CREM: variants seen among roughly 807,000 people sequenced by gnomAD.
CREM encodes the protein cAMP responsive element modulator.
Under a neutral mutation model 37.3 loss-of-function variants are expected in CREM, and 13 were observed. The ratio of observed to expected loss-of-function variants is 0.35; its 90% CI spans 0.23 to 0.55. The LOEUF (loss-of-function observed/expected upper bound fraction) is 0.55. CREM is among the 20% of genes least tolerant of loss of function. The pLI, the probability that CREM is intolerant of heterozygous loss-of-function variation, is 0.88. For missense variants in CREM, 296 were observed against 362.3 expected (o/e 0.82, Z 1.49); for synonymous variants, 124 against 120.2 (o/e 1.03, Z -0.21).
intron 6 of CREM, among the ~76,000 whole-genome samples, chr10:35,191,457 A>T (rs1231280817): frequency 1.3e-5 from 2 of 151,610 alleles, no homozygotes; most frequent in African/African-American, 4.8e-5. Flanking sequence ...TCCTTAAATA[A>T]TCATGGCCAG....
At chr10:35,190,188 A>C (rs769659437) in intron 6 of CREM, among the ~76,000 whole-genome samples, 1 of 152,326 alleles carries the variant, frequency 6.6e-6, no homozygotes, top group African/African-American at 2.4e-5. Context: ...TATGCACGTA[A>C]GTTTGTGCCT....
At chr10:35,164,944 C>CGGAGGCTGAGGCA (rs928377109) in intron 3 of CREM, among the ~76,000 whole-genome samples, 1 of 150,324 alleles carries the variant, frequency 6.7e-6, no homozygotes, top group African/African-American at 2.4e-5. Context: ...CCAGCTACGC[C>CGGAGGCTGAGGCA]GGAGGCTGAG....
intron 1 of CREM, among the ~76,000 whole-genome samples, chr10:35,130,779 T>C (rs1410801881): frequency 6.6e-6 from 1 of 152,220 alleles, no homozygotes; most frequent in African/African-American, 2.4e-5. Flanking sequence ...TGTAGTCGGT[T>C]GTGCCATCTA....
At chr10:35,209,174 TG>T in intron 7 of CREM, 1 of 351,940 alleles carries the variant, frequency 2.8e-6, no homozygotes. Flanking sequence ...TTTCACTTCC[TG>T]GGGAAGTGTG....
intron 5 of CREM, among the ~76,000 whole-genome samples, chr10:35,183,810 C>T (rs1412270973): frequency 6.6e-6 from 1 of 152,210 alleles, no homozygotes; most frequent in Non-Finnish European, 1.5e-5. Context: ...CGTGATGGTT[C>T]ACGCCTGTAA....
intron 3 of CREM, among the ~76,000 whole-genome samples, chr10:35,166,550 A>G (rs1162305378): frequency 6.8e-6 from 1 of 146,788 alleles, no homozygotes; most frequent in Non-Finnish European, 1.5e-5. Context: ...GGGCGACAGA[A>G]CAAGAGTCTG....
At chr10:35,185,048 T>TTCA (rs1402821613) in intron 5 of CREM, among the ~76,000 whole-genome samples, 1 of 151,554 alleles carries the variant, frequency 6.6e-6, no homozygotes, top group African/African-American at 2.4e-5. Flanking sequence ...CATTCATTCA[T>TTCA]TCATTCATTC....
chr10:35,178,307 T>G (rs1019137393), intron 3 of CREM, among the ~76,000 whole-genome samples: 22 of 152,330 alleles, frequency 1.4e-4, no homozygotes, highest in African/African-American at 5.3e-4. Flanking sequence ...TTTATTTGGA[T>G]CTTCAAGACC....
chr10:35,163,807 G>C (rs2093408547), intron 3 of CREM, among the ~76,000 whole-genome samples: 1 of 151,868 alleles, frequency 6.6e-6, no homozygotes, highest in African/African-American at 2.4e-5. Context: ...GGCGACAAGA[G>C]TGAAACTCCG....
rs2095541283 is a variant in CREM, at chr10:35,206,990, A to G, written c.694A>G (p.Ser232Gly). Residue 232 changes from serine to glycine, a missense_variant, in exon 7 of 8, where the codon AGT becomes GGT. Around this residue, in one of 2 missense-constraint regions of CREM, gnomAD observed 257 missense variants for 280.2 expected, o/e 0.92. Coordinates refer to ENST00000685392, the MANE Select transcript of CREM (RefSeq NM_183011.2). Reference sequence around the variant, plus strand: ...GGCTGCATCGCCCGGAAGTTTGCACAGTCCCCAGCAGCTGGCAGAAGAAGC... The same window carrying G: ...GGCTGCATCGCCCGGAAGTTTGCACGGTCCCCAGCAGCTGGCAGAAGAAGC... ...VMAASPGSLH[S>G]PQQLAEEATR... 6.2e-7 allele frequency: 1 copy of G among 1,614,132 alleles called. No individual in the cohort carries two copies. Among genetic ancestry groups the G allele is most frequent in the Non-Finnish European group, 8.5e-7 (1 of 1,180,018 alleles).
intron 6 of CREM, among the ~76,000 whole-genome samples, chr10:35,196,865 CTTTTTTTT>C (rs58503822): frequency 2.8e-5 from 3 of 108,942 alleles, no homozygotes; most frequent in Non-Finnish European, 5.4e-5. Flanking sequence ...ACGCTGTGTA[CTTTTTTTT>C]TTTTTTTTTT....
At chr10:35,153,846 G>A (rs1386050405) in intron 3 of CREM, among the ~76,000 whole-genome samples, 1 of 152,172 alleles carries the variant, frequency 6.6e-6, no homozygotes, top group African/African-American at 2.4e-5. Context: ...AATTAGTTCT[G>A]ATATAACACT....
At chr10:35,161,178 C>T (rs2093271105) in intron 3 of CREM, among the ~76,000 whole-genome samples, 2 of 151,694 alleles carry the variant, frequency 1.3e-5, no homozygotes, top group Non-Finnish European at 2.9e-5. Context: ...ACTCTGTTGC[C>T]CATGCTGGTG....
chr10:35,137,746 A>G lies in CREM; in HGVS notation c.-54-36A>G, dbSNP rs2090790158. The G allele has an allele frequency of 5.3e-6, 5 of 938,668 alleles. No individual in the cohort carries two copies. The South Asian group carries it at 9.8e-5, about 18-fold the overall frequency. The allele number at this position is 938,668 out of a possible 1,614,324, so 58.1% of individuals were successfully genotyped here. On this transcript the variant is annotated intron_variant, in intron 1 of 7. Transcript: ENST00000685392. ...TTGAGAGTTTTTGAAGTGAAATGTT[A>G]CGATCTCCCAATTCAACATTATAAT...
chr10:35,146,678 C>A (rs924472055), intron 2 of CREM, among the ~76,000 whole-genome samples: 1 of 152,162 alleles, frequency 6.6e-6, no homozygotes, highest in South Asian at 2.1e-4. Flanking sequence ...AGACATTTTT[C>A]TATGGTAGGC....
intron 3 of CREM, among the ~76,000 whole-genome samples, chr10:35,169,029 C>G (rs1036130382): frequency 3.3e-5 from 5 of 152,028 alleles, no homozygotes; most frequent in African/African-American, 7.2e-5. Context: ...AGTCAGGTAA[C>G]GTGATGCCTC....
intron 3 of CREM, among the ~76,000 whole-genome samples, chr10:35,178,318 C>T (rs2094188580): frequency 6.6e-6 from 1 of 152,170 alleles, no homozygotes; most frequent in South Asian, 2.1e-4. Flanking sequence ...CTTCAAGACC[C>T]ACCGCCACCA....
intron 6 of CREM, chr10:35,201,546 C>T (rs1266179955): frequency 6.5e-6 from 10 of 1,549,140 alleles, no homozygotes; most frequent in African/African-American, 2.7e-5. Flanking sequence ...TCTGCTGTAC[C>T]GTGTTTAAAG....
At position 35,147,162 on chromosome 10, in the gene CREM, T is replaced by A. The variant is rs998531640; in HGVS notation, c.45-1206T>A. On this transcript the variant is annotated intron_variant, in intron 2 of 7. Transcript: ENST00000685392. ...GCCTCCTGGGTTCACGCCATTCTCCTGCCTCAGCCTCCCGAGTAGCTGGGA... is the reference window on the plus strand; with the variant it reads ...GCCTCCTGGGTTCACGCCATTCTCCAGCCTCAGCCTCCCGAGTAGCTGGGA... Among the ~76,000 whole-genome samples the A allele has an allele frequency of 2.0e-5, 3 of 149,368 alleles. No individual in the cohort carries two copies. In the Admixed American group the frequency reaches 2.0e-4, roughly 10 times the overall value.
Sources: gnomAD v4.1 joint callset for allele counts (sites outside exome capture counted in the v4.1 genomes callset) on GRCh38, gnomAD v4.1.1 for gene constraint, gnomAD v4.1.1 regional missense constraint, MANE v1.5 for transcripts, NCBI Gene and HGNC (gene_info 2026-07-23, HGNC 2026-07-21) for gene names.